KHDRBS3: variants seen among roughly 807,000 people sequenced by gnomAD.
KHDRBS3 encodes KH RNA binding domain containing, signal transduction associated 3, also known as KH domain-containing, RNA-binding, signal transduction-associated protein 3.
A neutral mutation model predicts 45.6 loss-of-function variants in KHDRBS3; 23 were observed. That is an observed-to-expected ratio of 0.50 (90% CI 0.36 to 0.72). The LOEUF (loss-of-function observed/expected upper bound fraction) is 0.72, where lower values mean the gene tolerates loss of function less well. KHDRBS3 is among the 30% of genes least tolerant of loss of function. The pLI is 0.00. For missense variants in KHDRBS3, 352 were observed against 424.8 expected (o/e 0.83, Z 1.51); for synonymous variants, 162 against 156.5 (o/e 1.04, Z -0.26).
At chr8:135,614,461 A>G (rs1406721213) in intron 7 of KHDRBS3, among the ~76,000 whole-genome samples, 1 of 151,900 alleles carries the variant, frequency 6.6e-6, no homozygotes, top group Non-Finnish European at 1.5e-5. Context: ...CTATCATAAT[A>G]TTTTTAGTCT....
chr8:135,655,793 C>T (rs183876485), intron 4 of KHDRBS3, among the ~76,000 whole-genome samples: 6 of 152,038 alleles, frequency 3.9e-5, no homozygotes, highest in Admixed American at 1.3e-4. Context: ...AGTTTTGTTT[C>T]GTATGACACA....
chr8:135,537,717 G>T (rs1433571089), intron 2 of KHDRBS3, among the ~76,000 whole-genome samples: 2 of 152,022 alleles, frequency 1.3e-5, no homozygotes, highest in Admixed American at 1.3e-4. Context: ...TTGACATCTG[G>T]AGAAAAATTA....
At chr8:135,458,079 G>T in intron 1 of KHDRBS3, 125 bp downstream of exon 1, 2 of 1,396,934 alleles carry the variant, frequency 1.4e-6, no homozygotes, top group Non-Finnish European at 1.9e-6. Context: ...GGCCCGGGTG[G>T]CCCCCGGGGT....
chr8:135,587,469 T>A (rs1418324386), intron 6 of KHDRBS3, among the ~76,000 whole-genome samples: 1 of 152,312 alleles, frequency 6.6e-6, no homozygotes, highest in Non-Finnish European at 1.5e-5. Context: ...AGAAAACAGA[T>A]AGTGGATGTT....
chr8:135,466,340 T>C (rs577559488), intron 1 of KHDRBS3, among the ~76,000 whole-genome samples: 1 of 152,308 alleles, frequency 6.6e-6, no homozygotes, highest in East Asian at 1.9e-4. Context: ...GTTGTTCTCA[T>C]TTTACAGGTA....
chr8:135,506,877 A>G (rs1824024892), intron 1 of KHDRBS3, among the ~76,000 whole-genome samples: 1 of 118,044 alleles, frequency 8.5e-6, no homozygotes, highest in East Asian at 2.8e-4. Flanking sequence ...CATAATATAC[A>G]AAACTACTTT....
chr8:135,485,405 G>C (rs973189176), intron 1 of KHDRBS3, among the ~76,000 whole-genome samples: 1 of 152,168 alleles, frequency 6.6e-6, no homozygotes, highest in Non-Finnish European at 1.5e-5. Flanking sequence ...CTACACGGTA[G>C]AGAAGGACAT....
chr8:135,552,928 C>T (rs1019864167), intron 4 of KHDRBS3, among the ~76,000 whole-genome samples: 1 of 152,060 alleles, frequency 6.6e-6, no homozygotes, highest in Non-Finnish European at 1.5e-5. Context: ...AGAAGACTCT[C>T]GCCATGTCCA....
chr8:135,469,280 AG>A (rs1444110229), intron 1 of KHDRBS3, among the ~76,000 whole-genome samples: 1 of 152,252 alleles, frequency 6.6e-6, no homozygotes, highest in Non-Finnish European at 1.5e-5. Context: ...GTATGCCATT[AG>A]GAAGGACCGT....
At position 135,645,133 on chromosome 8, in the gene KHDRBS3, G is replaced by C. The variant is rs751491741; in HGVS notation, c.949+16G>C. On this transcript the variant is annotated intron_variant, in intron 8 of 8. Transcript: ENST00000355849. ...GATTCCTACGGTGAGTGACTGGCCA[G>C]AGCATGTGAAGAGAGGGAGGAGAGA... 5 of 1,613,214 alleles carry C rather than the reference G, an allele frequency of 3.1e-6. No homozygotes were observed. The highest frequency in any genetic ancestry group is 4.2e-6 in the Non-Finnish European group (5 of 1,179,576).
At chr8:135,560,247 T>C (rs758064104) in intron 5 of KHDRBS3, among the ~76,000 whole-genome samples, 1 of 152,090 alleles carries the variant, frequency 6.6e-6, no homozygotes, top group Admixed American at 6.5e-5. Flanking sequence ...ATTATTTACC[T>C]GGTATATTAG....
intron 3 of KHDRBS3, among the ~76,000 whole-genome samples, chr8:135,547,813 C>G (rs188472730): frequency 6.6e-6 from 1 of 152,230 alleles, no homozygotes; most frequent in Admixed American, 6.5e-5. Flanking sequence ...CTTAATCTGT[C>G]TGATACTAAC....
chr8:135,569,682 T>C (rs1247272104), intron 5 of KHDRBS3, among the ~76,000 whole-genome samples: 1 of 152,204 alleles, frequency 6.6e-6, no homozygotes, highest in Admixed American at 6.5e-5. Flanking sequence ...GCATGGTCTC[T>C]GGGCGACACT....
intron 1 of KHDRBS3, among the ~76,000 whole-genome samples, chr8:135,488,676 T>C (rs556867012): frequency 5.3e-5 from 8 of 152,304 alleles, no homozygotes; most frequent in African/African-American, 1.9e-4. Context: ...ATATTCATAG[T>C]ATAGACTTCA....
intron 1 of KHDRBS3, among the ~76,000 whole-genome samples, chr8:135,520,607 A>G (rs1824857263): frequency 6.6e-6 from 1 of 152,178 alleles, no homozygotes; most frequent in South Asian, 2.1e-4. Flanking sequence ...TTGCCACCCC[A>G]TTGAGGAAAG....
chr8:135,542,312 A>G lies in KHDRBS3; in HGVS notation c.208-342A>G, dbSNP rs76142086. Reference sequence around the variant, plus strand: ...CACCTGGTGTCATTTTTTCTCACCTACATTCTCATCCTAGAAGTGTTCATT... The same window carrying G: ...CACCTGGTGTCATTTTTTCTCACCTGCATTCTCATCCTAGAAGTGTTCATT... On this transcript the variant is annotated intron_variant, in intron 2 of 8. Transcript: ENST00000355849. 262 of 194,888 alleles carry G rather than the reference A, an allele frequency of 1.3e-3. 1 individual carries two copies. Among genetic ancestry groups the G allele is most frequent in the African/African-American group, 5.7e-3 (244 of 42,478 alleles). 12.1% of individuals were successfully genotyped at this position (194,888 alleles called of 1,614,324 possible).
At chr8:135,649,241 G>C (rs1831380632), downstream of KHDRBS3, among the ~76,000 whole-genome samples, 1 of 152,016 alleles carries the variant, frequency 6.6e-6, no homozygotes, top group African/African-American at 2.4e-5. Flanking sequence ...ATCTTCCAGA[G>C]AGTCTTACTT....
At chr8:135,476,525 A>C (rs1264866948) in intron 1 of KHDRBS3, among the ~76,000 whole-genome samples, 1 of 152,134 alleles carries the variant, frequency 6.6e-6, no homozygotes, top group Non-Finnish European at 1.5e-5. Flanking sequence ...TCTCATCTTA[A>C]CACACTGCAG....
chr8:135,577,305 T>A (rs972153771), intron 5 of KHDRBS3, among the ~76,000 whole-genome samples: 1 of 152,206 alleles, frequency 6.6e-6, no homozygotes, highest in Non-Finnish European at 1.5e-5. Context: ...TCACTCTCTG[T>A]GCTGTGAGGT....
Sources: gnomAD v4.1 joint callset for allele counts (sites outside exome capture counted in the v4.1 genomes callset) on GRCh38, gnomAD v4.1.1 for gene constraint, MANE v1.5 for transcripts, NCBI Gene and HGNC (gene_info 2026-07-23, HGNC 2026-07-21) for gene names.